CEP76: variants seen among roughly 807,000 people sequenced by gnomAD.
CEP76 encodes the protein centrosomal protein of 76 kDa.
Under a neutral mutation model 83.3 loss-of-function variants are expected in CEP76, and 55 were observed. The observed-to-expected ratio is 0.66, with a 90% CI of 0.53 to 0.83. The LOEUF is 0.83. Ranked by LOEUF, CEP76 falls within the 40% of genes least tolerant of loss-of-function variation. The pLI, the probability that CEP76 is intolerant of heterozygous loss-of-function variation, is 0.00. For synonymous variants in CEP76, 270 were observed against 274.5 expected, an observed-to-expected ratio of 0.98 and a Z score of 0.16; for missense variants, 694 against 799.5, an observed-to-expected ratio of 0.87 and a Z score of 1.59.
intron 8 of CEP76, chr18:12,685,683 G>A (rs1401079173): frequency 6.6e-6 from 1 of 151,156 alleles, no homozygotes; most frequent in Non-Finnish European, 1.5e-5. Flanking sequence ...TCAGGCTAGA[G>A]TGCAATGGTG....
intron 10 of CEP76, 28 bp downstream of exon 10, chr18:12,678,081 A>C: frequency 1.3e-6 from 2 of 1,553,074 alleles, no homozygotes; most frequent in Non-Finnish European, 1.8e-6. Context: ...AAGAAGTATG[A>C]AACTACAACT....
chr18:12,677,136 G>C (rs1416229161), intron 10 of CEP76, among the ~76,000 whole-genome samples: 1 of 151,946 alleles, frequency 6.6e-6, no homozygotes, highest in Admixed American at 6.6e-5. Context: ...CTTTACAAAG[G>C]AAATCTACAT....
rs959077762 is a variant in CEP76 at position 12,702,685 on chromosome 18, G to A, written c.-137C>T. The A allele has an allele frequency of 3.6e-5, 34 of 954,246 alleles. No individual in the cohort carries two copies. The Admixed American group carries it at 8.6e-4, about 24-fold the overall frequency. 59.1% of individuals were successfully genotyped at this position (954,246 alleles called of 1,614,324 possible). ...CGTTCGCCTAGCGCAGCTCCCGGGG[G>A]ACGCAACGCCGCGTCAGGCCGGGGG... On this transcript the variant is annotated 5_prime_UTR_variant, in exon 1 of 12. Transcript: ENST00000262127.
At chr18:12,665,738 C>G (rs1033149833) in intron 12 of CEP76, among the ~76,000 whole-genome samples, 2 of 152,108 alleles carry the variant, frequency 1.3e-5, no homozygotes, top group African/African-American at 2.4e-5. Context: ...GCTCTTGTCA[C>G]CCAGACTGGA....
intron 6 of CEP76, among the ~76,000 whole-genome samples, chr18:12,693,801 C>A (rs762198014): frequency 1.8e-4 from 27 of 152,062 alleles, no homozygotes; most frequent in South Asian, 8.3e-4. Context: ...AACAAAAAAA[C>A]CCCTCACGTA....
Position 12,680,679 on chromosome 18 carries a change from C to T in CEP76, c.1272G>A (p.Glu424=), listed in dbSNP as rs2039316402. The change falls in exon 9 of 12, where the codon GAG becomes GAA. Residue 424 remains glutamate, a synonymous_variant. Coordinates refer to ENST00000262127, the MANE Select transcript of CEP76 (RefSeq NM_024899.4). Reference sequence around the variant, plus strand: ...AAACTAACCTGTGTCCTGTTAAACTCTCCCAAAAAGTGATGGCCCCATCAG... The same window carrying T: ...AAACTAACCTGTGTCCTGTTAAACTTTCCCAAAAAGTGATGGCCCCATCAG... ...CGTDGAITFW[E]SLTGHRYIHK... is the part of the protein sequence containing the mutation. The T allele has an allele frequency of 1.9e-6, 3 of 1,609,830 alleles. No individual in the cohort carries two copies. The highest frequency in any genetic ancestry group is 2.2e-5 in the East Asian group (1 of 44,696).
intron 10 of CEP76, among the ~76,000 whole-genome samples, chr18:12,675,561 A>G (rs755510929): frequency 1.4e-4 from 22 of 152,152 alleles, no homozygotes; most frequent in Non-Finnish European, 2.9e-4. Context: ...ACTCTATAAA[A>G]CTTATATACT....
chr18:12,672,555 G>GA (rs36027163), downstream of CEP76: 7 of 565,082 alleles, frequency 1.2e-5, no homozygotes, highest in African/African-American at 3.6e-5. Context: ...TTATCACAAT[G>GA]AAAGAAAAAA....
chr18:12,675,664 T>G (rs1430857490), intron 10 of CEP76, among the ~76,000 whole-genome samples: 1 of 151,692 alleles, frequency 6.6e-6, no homozygotes, highest in Non-Finnish European at 1.5e-5. Flanking sequence ...ATTCCATTTA[T>G]TTTTTATTTT....
Position 12,672,807 on chromosome 18 carries a change from TCTTG to T in CEP76, c.*554_*557del. The T allele has an allele frequency of 1.0e-6, 1 of 983,908 alleles. No individual in the cohort carries two copies. The highest frequency in any genetic ancestry group is 1.2e-6 in the Non-Finnish European group (1 of 828,416). 60.9% of individuals were successfully genotyped at this position (983,908 alleles called of 1,614,324 possible). A position where few individuals can be genotyped will look rare whatever the true frequency, so the allele number is the denominator to read the frequency against. On this transcript the variant is annotated 3_prime_UTR_variant, in exon 12 of 12. Coordinates refer to ENST00000262127, the MANE Select transcript of CEP76 (RefSeq NM_024899.4). ...TTTTCTGGTATTAGTTTTTTCCTAC[TCTTG>T]CTTCAAGGTCCAACCATAAATTTCT...
At position 12,672,898 on chromosome 18, in the gene CEP76, T is replaced by A. The variant is rs1444382467; in HGVS notation, c.*467A>T. 1.5e-5 allele frequency: 15 copies of A among 985,220 alleles called. No individual in the cohort carries two copies. Among genetic ancestry groups the A allele is most frequent in the Non-Finnish European group, 1.8e-5 (15 of 829,718 alleles). 61.0% of individuals were successfully genotyped at this position (985,220 alleles called of 1,614,324 possible). A position where few individuals can be genotyped will look rare whatever the true frequency, so the allele number is the denominator to read the frequency against. On this transcript the variant is annotated 3_prime_UTR_variant, in exon 12 of 12. Transcript: ENST00000262127. Reference sequence around the variant, plus strand: ...CACAAAAGTGGTAATTCATTAACATTTATTTTCACCAATGCAATAAATAAA... The same window carrying A: ...CACAAAAGTGGTAATTCATTAACATATATTTTCACCAATGCAATAAATAAA...
At chr18:12,670,365 G>A (rs2038913569), downstream of CEP76, 1 of 152,062 alleles carries the variant, frequency 6.6e-6, no homozygotes, top group Non-Finnish European at 1.5e-5. Flanking sequence ...GACTTCTAGT[G>A]GTAAATGCAC....
At chr18:12,678,044 CA>C in intron 10 of CEP76, 64 bp downstream of exon 10, 1 of 1,346,324 alleles carries the variant, frequency 7.4e-7, no homozygotes, top group Non-Finnish European at 1.0e-6. Flanking sequence ...TCACACACAC[CA>C]AAAAACAGTT....
At position 12,674,765 on chromosome 18, in the gene CEP76, C is replaced by T; in HGVS notation, c.1624-12G>A. On this transcript the variant is annotated splice_polypyrimidine_tract_variant and intron_variant, in intron 10 of 11. Transcript: ENST00000262127. Reference sequence around the variant, plus strand: ...GTGAGGCCAAGATCCTATGAGCAATCAAGAGAAAAAGAAAAAGTGAAATAC... The same window carrying T: ...GTGAGGCCAAGATCCTATGAGCAATTAAGAGAAAAAGAAAAAGTGAAATAC... 3 of 1,558,852 alleles carry T rather than the reference C, an allele frequency of 1.9e-6. No homozygotes were observed. The highest frequency in any genetic ancestry group is 2.6e-6 in the Non-Finnish European group (3 of 1,148,936).
intron 8 of CEP76, among the ~76,000 whole-genome samples, chr18:12,683,206 C>T (rs1336619961): frequency 1.3e-5 from 1 of 74,792 alleles, no homozygotes; most frequent in Admixed American, 1.1e-4. Context: ...AAAAAAAAAG[C>T]CAGGCATGGT....
At chr18:12,697,164 A>C in intron 5 of CEP76, 59 bp downstream of exon 5, 1 of 1,192,664 alleles carries the variant, frequency 8.4e-7, no homozygotes, top group East Asian at 2.4e-5. Flanking sequence ...GATATAAAAT[A>C]TATTTACAAA....
chr18:12,674,567 T>G lies in CEP76; in HGVS notation c.1810A>C (p.Asn604His), dbSNP rs1332482694. 3 of 1,613,924 alleles carry G rather than the reference T, an allele frequency of 1.9e-6. No homozygotes were observed. The highest frequency in any genetic ancestry group is 2.7e-5 in the African/African-American group (2 of 74,940). The change falls in exon 11 of 12, where the codon AAT becomes CAT. Residue 604 changes from asparagine (N) to histidine (H), a missense_variant. Physicochemically the swap from Asn to His is moderately conservative, Grantham distance 68. Coordinates refer to ENST00000262127, the MANE Select transcript of CEP76 (RefSeq NM_024899.4). ...KGFPIHFVYR[N>H]ARRAFATCLR... The stretch of plus-strand genomic sequence containing the variant: ...CATGTGGCAAATGCACGTCTTGCAT[T>G]TCTATACACAAAATGTATTGGGAAC...
intron 4 of CEP76, 105 bp downstream of exon 4, chr18:12,698,874 C>A: frequency 1.3e-6 from 1 of 763,212 alleles, no homozygotes. Context: ...ATAGAGATTC[C>A]TCCATTATAA....
rs376140760 is a variant in CEP76 at position 12,681,995 on chromosome 18, C to CT, written c.1123-1168dup. The stretch of plus-strand genomic sequence containing the variant: ...TGGACAACAGAGTGAGACTCTGTCT[C>CT]TAAAAAAAAAAAGAAAAAAAGAAAA... On this transcript the variant is annotated intron_variant, in intron 8 of 11. Coordinates refer to ENST00000262127, the MANE Select transcript of CEP76 (RefSeq NM_024899.4). 9.5e-3 allele frequency among the ~76,000 whole-genome samples: 1,388 copies of CT among 146,006 alleles called. 24 individuals are homozygous for CT. The highest frequency in any genetic ancestry group is 0.034 in the African/African-American group (1,326 of 38,906).
Sources: gnomAD v4.1 joint callset for allele counts (sites outside exome capture counted in the v4.1 genomes callset) on GRCh38, gnomAD v4.1.1 for gene constraint, MANE v1.5 for transcripts, NCBI Gene and HGNC (gene_info 2026-07-23, HGNC 2026-07-21) for gene names.